Variants in AADACL2 observed in about 807,000 individuals in gnomAD.
AADACL2 encodes the protein arylacetamide deacetylase like 2.
AADACL2 carries 23 observed loss-of-function variants against 22.3 expected under a neutral mutation model. The observed-to-expected ratio is 1.03, with a 90% CI of 0.74 to 1.46. The LOEUF (loss-of-function observed/expected upper bound fraction) is 1.46. Ranked by LOEUF, AADACL2 falls within the 40% of genes most tolerant of loss-of-function variation. The probability of loss-of-function intolerance (pLI) is 0.00; values close to 1 mark genes in which losing one functional copy is unlikely to be tolerated. For missense variants in AADACL2, 472 were observed against 482.9 expected (o/e 0.98, Z 0.21); for synonymous variants, 177 against 166.2 (o/e 1.07, Z -0.50).
chr3:151,737,429 G>A (rs1347581252), intron 1 of AADACL2, among the ~76,000 whole-genome samples: 1 of 152,044 alleles, frequency 6.6e-6, no homozygotes, highest in Admixed American at 6.5e-5. Flanking sequence ...TGAGAAGAAT[G>A]TATATTCTGT....
intron 2 of AADACL2, among the ~76,000 whole-genome samples, chr3:151,742,712 T>A (rs772853087): frequency 1.7e-4 from 26 of 152,178 alleles, no homozygotes; most frequent in Non-Finnish European, 2.8e-4. Flanking sequence ...TTTGCGCCCC[T>A]GAGCTAAGAT....
chr3:151,750,063 G>A (rs1180935636), intron 4 of AADACL2, among the ~76,000 whole-genome samples: 3 of 152,050 alleles, frequency 2.0e-5, no homozygotes, highest in Admixed American at 1.3e-4. Flanking sequence ...ATTGCATTTT[G>A]TCAAGTCATT....
At chr3:151,749,827 TTTTG>T (rs1381552137) in intron 4 of AADACL2, among the ~76,000 whole-genome samples, 3 of 152,058 alleles carry the variant, frequency 2.0e-5, no homozygotes, top group Non-Finnish European at 2.9e-5. Flanking sequence ...TTATTTCTGT[TTTTG>T]TTTGTTTTTT....
chr3:151,746,512 C>G (rs185095725), intron 4 of AADACL2, among the ~76,000 whole-genome samples: 142 of 151,542 alleles, frequency 9.4e-4, no homozygotes, highest in Non-Finnish European at 1.7e-3. Flanking sequence ...TAATATAACT[C>G]TCTTGCTTTG....
chr3:151,756,078 G>C (rs1713892208), intron 4 of AADACL2, among the ~76,000 whole-genome samples: 3 of 152,056 alleles, frequency 2.0e-5, no homozygotes, highest in African/African-American at 4.8e-5. Context: ...CAGCCACTGT[G>C]GTGACTGGGT....
intron 4 of AADACL2, among the ~76,000 whole-genome samples, chr3:151,751,276 G>T (rs1261512699): frequency 1.3e-5 from 2 of 152,096 alleles, no homozygotes; most frequent in Non-Finnish European, 2.9e-5. Flanking sequence ...ATCTGAAACC[G>T]GTTTGGGGAA....
chr3:151,748,558 T>G (rs1045161969), intron 4 of AADACL2, among the ~76,000 whole-genome samples: 1 of 152,208 alleles, frequency 6.6e-6, no homozygotes, highest in Non-Finnish European at 1.5e-5. Flanking sequence ...ATTAATGCCC[T>G]TCAGAGGGAA....
chr3:151,748,511 G>T (rs918783266), intron 4 of AADACL2, among the ~76,000 whole-genome samples: 1 of 152,184 alleles, frequency 6.6e-6, no homozygotes, highest in African/African-American at 2.4e-5. Flanking sequence ...CCTAGTGAGA[G>T]GTGTTTGGGA....
intron 4 of AADACL2, among the ~76,000 whole-genome samples, chr3:151,756,273 G>A (rs1440642522): frequency 1.3e-5 from 2 of 152,050 alleles, no homozygotes; most frequent in Non-Finnish European, 1.5e-5. Flanking sequence ...AAAAGAAAAG[G>A]CACTCCTTAT....
Position 151,761,229 on chromosome 3 carries a change from A to G in AADACL2, c.*3635A>G, listed in dbSNP as rs1576621236. 7.4e-6 allele frequency: 1 copy of G among 135,296 alleles called. No homozygotes were observed. The highest frequency in any genetic ancestry group is 1.6e-5 in the Non-Finnish European group (1 of 63,296). 8.4% of individuals were successfully genotyped at this position (135,296 alleles called of 1,614,324 possible). A position where few individuals can be genotyped will look rare whatever the true frequency, so the allele number is the denominator to read the frequency against. Reference sequence around the variant, plus strand: ...GATATATATATATATATATATATATATATATATATATATGAATTTGGTGGA... The same window carrying G: ...GATATATATATATATATATATATATGTATATATATATATGAATTTGGTGGA... On this transcript the variant is annotated 3_prime_UTR_variant, in exon 5 of 5. Coordinates refer to ENST00000356517, the MANE Select transcript of AADACL2 (RefSeq NM_207365.4).
intron 4 of AADACL2, among the ~76,000 whole-genome samples, chr3:151,748,547 G>T (rs1287566665): frequency 6.6e-6 from 1 of 152,184 alleles, no homozygotes; most frequent in East Asian, 1.9e-4. Flanking sequence ...TTCGTGAATA[G>T]ATTAATGCCC....
At chr3:151,752,014 A>C (rs540919323) in intron 4 of AADACL2, among the ~76,000 whole-genome samples, 1 of 152,330 alleles carries the variant, frequency 6.6e-6, no homozygotes, top group African/African-American at 2.4e-5. Context: ...GCATTTAAAA[A>C]GGTGATTTTC....
chr3:151,745,156 C>CGTTTTTTTTTTTTTTTTTTTTT (rs1560283259), intron 3 of AADACL2, among the ~76,000 whole-genome samples: 1 of 151,858 alleles, frequency 6.6e-6, no homozygotes, highest in African/African-American at 2.4e-5. Context: ...TTTAAACAAG[C>CGTTTTTTTTTTTTTTTTTTTTT]ATTTTTAAAA....
chr3:151,744,077 T>C lies in AADACL2; in HGVS notation c.362-16T>C, dbSNP rs1296639544. The C allele has an allele frequency of 6.2e-7, 1 of 1,612,046 alleles. No homozygotes were observed. The highest frequency in any genetic ancestry group is 1.3e-5 in the African/African-American group (1 of 74,984). On this transcript the variant is annotated splice_polypyrimidine_tract_variant and intron_variant, in intron 2 of 4. Transcript: ENST00000356517. The stretch of plus-strand genomic sequence containing the variant: ...TAATTACAGGAAATACTTTGATGTT[T>C]ATTTCTTCATTTCAGAACAGAGGGC...
Position 151,740,769 on chromosome 3 carries a change from G to T in AADACL2, c.262G>T (p.Asp88Tyr). ...YITVTDTTFV[D>Y]IPVRLYLPKR... ...CACAGTGACTGATACAACATTTGTTGACATTCCAGTACGATTGTACTTGCC... is the reference window on the plus strand; with the variant it reads ...CACAGTGACTGATACAACATTTGTTTACATTCCAGTACGATTGTACTTGCC... The change falls in exon 2 of 5, where the codon GAC becomes TAC. Residue 88 changes from aspartate (D) to tyrosine (Y), a missense_variant. Coordinates refer to ENST00000356517, the MANE Select transcript of AADACL2 (RefSeq NM_207365.4). 1 of 1,613,914 alleles carries T rather than the reference G, an allele frequency of 6.2e-7. No individual in the cohort carries two copies. Among genetic ancestry groups the T allele is most frequent in the Non-Finnish European group, 8.5e-7 (1 of 1,179,928 alleles).
rs1398738604 is a variant in AADACL2 at position 151,734,149 on chromosome 3, C to T, written c.114C>T (p.Ala38=). 1 of 1,613,268 alleles carries T rather than the reference C, an allele frequency of 6.2e-7. No homozygotes were observed. Among genetic ancestry groups the T allele is most frequent in the South Asian group, 1.1e-5 (1 of 90,982 alleles). Reference sequence around the variant, plus strand: ...GCTGGAAAATAATGGCCTTGGATGCCATCGCTAAAACTTGTACATTTACGG... The same window carrying T: ...GCTGGAAAATAATGGCCTTGGATGCTATCGCTAAAACTTGTACATTTACGG... ...EESWKIMALD[A]IAKTCTFTAM... is the part of the protein sequence containing the mutation. Residue 38 remains alanine (A), a synonymous_variant, in exon 1 of 5, where the codon GCC becomes GCT. Coordinates refer to ENST00000356517, the MANE Select transcript of AADACL2 (RefSeq NM_207365.4).
rs1049253984 is a variant in AADACL2 at position 151,759,834 on chromosome 3, T to A, written c.*2240T>A. On this transcript the variant is annotated 3_prime_UTR_variant, in exon 5 of 5. Transcript: ENST00000356517. ...ATTTCACTGGGTCTTACTTTCAAAG[T>A]TTGTTCCATTTTGTGTGGTGGCATG... 2 of 152,190 alleles carry A rather than the reference T, an allele frequency of 1.3e-5. No homozygotes were observed. Among genetic ancestry groups the A allele is most frequent in the Non-Finnish European group, 2.9e-5 (2 of 68,004 alleles). 9.4% of individuals were successfully genotyped at this position (152,190 alleles called of 1,614,324 possible).
At chr3:151,755,992 G>A (rs1206828665) in intron 4 of AADACL2, among the ~76,000 whole-genome samples, 2 of 152,120 alleles carry the variant, frequency 1.3e-5, no homozygotes, top group African/African-American at 4.8e-5. Flanking sequence ...GAAGTACACT[G>A]TAGAGATGGT....
intron 4 of AADACL2, among the ~76,000 whole-genome samples, chr3:151,752,137 T>C (rs1384075712): frequency 6.6e-6 from 1 of 150,736 alleles, no homozygotes; most frequent in Non-Finnish European, 1.5e-5. Context: ...TTACCTGTAC[T>C]GTGTTTATTT....
Sources: allele counts gnomAD v4.1 joint callset (sites outside exome capture counted in the v4.1 genomes callset), GRCh38; gene constraint gnomAD v4.1.1; transcripts MANE v1.5; gene names NCBI Gene and HGNC (gene_info 2026-07-23, HGNC 2026-07-21).